The following TPM1 variants were observed in gnomAD, a reference collection of about 807,000 sequenced individuals.
TPM1 encodes tropomyosin alpha-1 chain.
In TPM1, 24 loss-of-function variants were observed where a neutral mutation model predicts 42.9. That is an observed-to-expected ratio of 0.56 (90% confidence interval 0.41 to 0.79). TPM1 has a LOEUF of 0.79. Among genes scored for constraint, TPM1 ranks in the 30% least tolerant of loss-of-function variants. The pLI is 0.00. For synonymous variants in TPM1, 136 were observed against 130.1 expected (o/e 1.05, Z -0.31); for missense variants, 158 against 351.8 (o/e 0.45, Z 4.41).
chr15:63,048,121 G>A, intron 2 of TPM1: 1 of 426,704 alleles, frequency 2.3e-6, no homozygotes, highest in Non-Finnish European at 4.6e-6. Flanking sequence ...CTCGGGAGCG[G>A]AGCGCTCCCG....
chr15:63,069,314 C>T (rs2036467729), downstream of TPM1, among the ~76,000 whole-genome samples: 1 of 152,250 alleles, frequency 6.6e-6, no homozygotes, highest in East Asian at 1.9e-4. Context: ...GACTTAATTC[C>T]AAATTTCAAA....
At chr15:63,043,098 G>A in intron 1 of TPM1, 155 bp downstream of exon 1, 1 of 677,428 alleles carries the variant, frequency 1.5e-6, no homozygotes, top group Non-Finnish European at 2.6e-6. Context: ...AAGAAGGAAG[G>A]GAAACGCAAG....
intron 2 of TPM1, among the ~76,000 whole-genome samples, chr15:63,051,498 A>T (rs2140815295): frequency 6.6e-6 from 1 of 151,612 alleles, no homozygotes; most frequent in East Asian, 1.9e-4. Flanking sequence ...GGTTGTGTTT[A>T]TCTGTTATCC....
At chr15:63,065,851 A>G in intron 9 of TPM1, 45 bp from the exon 10 acceptor site, 3 of 1,509,952 alleles carry the variant, frequency 2.0e-6, no homozygotes, top group Non-Finnish European at 2.6e-6. Context: ...TTTTTTTCTC[A>G]TTGTGCCACT....
chr15:63,043,337 G>A (rs1219810759), intron 1 of TPM1: 2 of 551,608 alleles, frequency 3.6e-6, no homozygotes, highest in Non-Finnish European at 6.9e-6. Flanking sequence ...TTTGACTGGG[G>A]AGAAAGGAAC....
chr15:63,048,160 G>A (rs1173280364), intron 2 of TPM1: 1 of 446,162 alleles, frequency 2.2e-6, no homozygotes, highest in South Asian at 1.6e-5. Context: ...ATTGCCCTTA[G>A]CAGCCAGCTC....
intron 4 of TPM1, among the ~76,000 whole-genome samples, chr15:63,060,369 A>C (rs746160724): frequency 2.0e-5 from 3 of 152,088 alleles, no homozygotes; most frequent in Non-Finnish European, 4.4e-5. Flanking sequence ...TGGTTCTTCC[A>C]CTAAATACAA....
chr15:63,066,377 G>C (rs2036275328), downstream of TPM1, among the ~76,000 whole-genome samples: 1 of 152,156 alleles, frequency 6.6e-6, no homozygotes, highest in Non-Finnish European at 1.5e-5. Flanking sequence ...AATTGTGATG[G>C]CTCTGCTTTG....
chr15:63,068,233 C>G (rs1328193958), downstream of TPM1, among the ~76,000 whole-genome samples: 1 of 152,164 alleles, frequency 6.6e-6, no homozygotes, highest in Non-Finnish European at 1.5e-5. Context: ...GGCTCTTTGT[C>G]CTCAATAAGC....
Position 63,042,758 on chromosome 15 carries a change from C to T in TPM1, c.-72C>T, listed in dbSNP as rs1423530971. ...GCAGGCGGCTCCGCGCTCGCACTCCCGCTCCTCCGCCCGACCGCGCGCTCG... is the reference window on the plus strand; with the variant it reads ...GCAGGCGGCTCCGCGCTCGCACTCCTGCTCCTCCGCCCGACCGCGCGCTCG... On this transcript the variant is annotated 5_prime_UTR_variant, in exon 1 of 10. Transcript: ENST00000403994. 8 of 1,315,824 alleles carry T rather than the reference C, an allele frequency of 6.1e-6. No homozygotes were observed. Among genetic ancestry groups the T allele is most frequent in the Non-Finnish European group, 8.7e-6 (8 of 924,248 alleles). 81.5% of individuals were successfully genotyped at this position (1,315,824 alleles called of 1,614,324 possible).
downstream of TPM1, among the ~76,000 whole-genome samples, chr15:63,069,689 G>A (rs1249699213): frequency 6.6e-6 from 1 of 152,052 alleles, no homozygotes; most frequent in Non-Finnish European, 1.5e-5. Flanking sequence ...AGCTTTTTAG[G>A]GTCTACCCTT....
chr15:63,047,191 A>G (rs2032561647), intron 2 of TPM1: 1 of 152,338 alleles, frequency 6.6e-6, no homozygotes, highest in East Asian at 1.9e-4. Context: ...CACCTACAGG[A>G]TGCAAGGACC....
chr15:63,046,528 C>T (rs1345827099), intron 2 of TPM1: 1 of 152,234 alleles, frequency 6.6e-6, no homozygotes, highest in Non-Finnish European at 1.5e-5. Flanking sequence ...AAATCCTATT[C>T]TGGAAGTGGG....
At chr15:63,053,994 A>T (rs2034382309) in intron 2 of TPM1, among the ~76,000 whole-genome samples, 1 of 151,020 alleles carries the variant, frequency 6.6e-6, no homozygotes, top group African/African-American at 2.4e-5. Flanking sequence ...TTTTTTTTTT[A>T]ATGCTCATCT....
intron 7 of TPM1, 112 bp from the exon 8 acceptor site, chr15:63,062,464 T>G (rs2035769861): frequency 2.2e-6 from 3 of 1,372,950 alleles, no homozygotes; most frequent in Non-Finnish European, 3.1e-6. Flanking sequence ...ACAAGTAGTT[T>G]CTGATCCATT....
chr15:63,063,808 A>G, intron 8 of TPM1: 1 of 490,558 alleles, frequency 2.0e-6, no homozygotes, highest in East Asian at 3.5e-5. Flanking sequence ...TACCTACCAT[A>G]TTTGTTAGGA....
At chr15:63,062,465 C>A in intron 7 of TPM1, 111 bp from the exon 8 acceptor site, 3 of 1,378,322 alleles carry the variant, frequency 2.2e-6, no homozygotes, top group Non-Finnish European at 3.1e-6. Context: ...CAAGTAGTTT[C>A]TGATCCATTT....
intron 3 of TPM1, among the ~76,000 whole-genome samples, chr15:63,058,631 C>A (rs181683699): frequency 6.6e-6 from 1 of 152,278 alleles, no homozygotes; most frequent in East Asian, 1.9e-4. Flanking sequence ...ATCGCTTGAA[C>A]CCAGTAGGTG....
chr15:63,052,134 A>G (rs943156895), intron 2 of TPM1, among the ~76,000 whole-genome samples: 1 of 6,212 alleles, frequency 1.6e-4, no homozygotes, highest in Non-Finnish European at 3.4e-4. Flanking sequence ...TGAGTAGTTC[A>G]TTGTTAGAAC....
Sources: gnomAD v4.1 joint callset for allele counts (sites outside exome capture counted in the v4.1 genomes callset) on GRCh38, gnomAD v4.1.1 for gene constraint, MANE v1.5 for transcripts, NCBI Gene and HGNC (gene_info 2026-07-23, HGNC 2026-07-21) for gene names.